XKR6: variants seen among roughly 807,000 people sequenced by gnomAD.
XKR6 encodes XK related 6.
Under a neutral mutation model 56.7 loss-of-function variants are expected in XKR6, and 22 were observed. The observed-to-expected ratio is 0.39, with a 90% CI of 0.28 to 0.55. XKR6 has a LOEUF of 0.55. Among genes scored for constraint, XKR6 ranks in the 20% least tolerant of loss-of-function variants. The pLI is 0.66. For synonymous variants in XKR6, 524 were observed against 387.8 expected, an observed-to-expected ratio of 1.35 and a Z score of -4.13; for missense variants, 852 against 889.0, an observed-to-expected ratio of 0.96 and a Z score of 0.53.
intron 1 of XKR6, among the ~76,000 whole-genome samples, chr8:10,949,392 G>T (rs1003814500): frequency 2.6e-5 from 4 of 152,204 alleles, no homozygotes; most frequent in Non-Finnish European, 5.9e-5. Flanking sequence ...GATCTGGGAG[G>T]CAGGCAAGCC....
intron 1 of XKR6, among the ~76,000 whole-genome samples, chr8:10,991,228 C>T (rs1303857131): frequency 6.6e-6 from 1 of 151,954 alleles, no homozygotes; most frequent in South Asian, 2.1e-4. Context: ...TTTTCACATC[C>T]GCAGTAGGTG....
In XKR6 at chr8:11,123,006, G is replaced by A. The variant is rs547292871; in HGVS notation, c.764+77570C>T. Among the ~76,000 whole-genome samples, 45 of 152,176 alleles carry A rather than the reference G, an allele frequency of 3.0e-4. 1 individual carries two copies. Among genetic ancestry groups the A allele is most frequent in the African/African-American group, 1.0e-3 (43 of 41,524 alleles). ...AATCCCAGCACTTTGGGAGGCCGAG[G>A]TGGGTGGATCACCTGAAATCAGGAG... On this transcript the variant is annotated intron_variant, in intron 1 of 2. Transcript: ENST00000416569.
At chr8:11,118,787 G>A (rs561703152) in intron 1 of XKR6, among the ~76,000 whole-genome samples, 15 of 152,094 alleles carry the variant, frequency 9.9e-5, no homozygotes, top group Non-Finnish European at 1.9e-4. Flanking sequence ...TTTTTGAAGG[G>A]TTTTTTGTGT....
chr8:11,001,497 T>G (rs1407247994), intron 1 of XKR6, among the ~76,000 whole-genome samples: 1 of 152,180 alleles, frequency 6.6e-6, no homozygotes, highest in South Asian at 2.1e-4. Flanking sequence ...TTATCCCAAT[T>G]GAGCAGAAAC....
chr8:11,192,245 G>A (rs993822646), intron 1 of XKR6, among the ~76,000 whole-genome samples: 7 of 152,008 alleles, frequency 4.6e-5, no homozygotes, highest in Middle Eastern at 3.4e-3. Flanking sequence ...TGCAACCTCC[G>A]CCTCCCGGGT....
intron 2 of XKR6, among the ~76,000 whole-genome samples, chr8:10,900,854 T>A (rs1800015935): frequency 1.5e-5 from 1 of 66,248 alleles, no homozygotes; most frequent in Admixed American, 2.1e-4. Flanking sequence ...GATGTGCAAT[T>A]ACCTTTTTTT....
intron 1 of XKR6, among the ~76,000 whole-genome samples, chr8:11,054,113 G>C (rs1158854066): frequency 6.6e-6 from 1 of 152,196 alleles, no homozygotes; most frequent in African/African-American, 2.4e-5. Context: ...AAAGTTCCAA[G>C]CATGCACTGT....
At chr8:11,053,054 C>A (rs965308599) in intron 1 of XKR6, among the ~76,000 whole-genome samples, 7 of 152,148 alleles carry the variant, frequency 4.6e-5, no homozygotes, top group African/African-American at 1.7e-4. Context: ...CCAGCTGACC[C>A]CCCCACGCGC....
intron 1 of XKR6, among the ~76,000 whole-genome samples, chr8:10,976,623 G>A (rs536115484): frequency 4.6e-5 from 7 of 152,280 alleles, no homozygotes; most frequent in Admixed American, 1.3e-4. Context: ...CAGTCTCCAC[G>A]TTCAAGAGTA....
chr8:10,974,433 G>T (rs1219400857), intron 1 of XKR6, among the ~76,000 whole-genome samples: 6 of 152,218 alleles, frequency 3.9e-5, no homozygotes, highest in Non-Finnish European at 7.3e-5. Context: ...CGCTCAGAGG[G>T]AGGCAGATGC....
chr8:10,953,075 C>T (rs1296320338), intron 1 of XKR6, among the ~76,000 whole-genome samples: 3 of 152,184 alleles, frequency 2.0e-5, no homozygotes, highest in East Asian at 3.8e-4. Context: ...AAGCCCAGGG[C>T]TCCCACTGAT....
At chr8:10,905,566 G>A (rs1415368990) in intron 2 of XKR6, among the ~76,000 whole-genome samples, 2 of 152,064 alleles carry the variant, frequency 1.3e-5, no homozygotes, top group African/African-American at 4.8e-5. Context: ...CAGTAGGCTG[G>A]GCCTCTAGAG....
chr8:11,071,566 G>A lies in XKR6; in HGVS notation c.764+129010C>T, dbSNP rs1162921568. Among the ~76,000 whole-genome samples, 6 of 147,504 alleles carry A rather than the reference G, an allele frequency of 4.1e-5. No homozygotes were observed. In the South Asian group the frequency reaches 1.1e-3, roughly 27 times the overall value. ...TATGAGCCCCGAGTCCATGAGCCCC[G>A]AGTCCATGAGCCCCGAGTCCATGAG... On this transcript the variant is annotated intron_variant, in intron 1 of 2. Coordinates refer to ENST00000416569, the MANE Select transcript of XKR6 (RefSeq NM_173683.4).
intron 1 of XKR6, among the ~76,000 whole-genome samples, chr8:10,951,557 C>G (rs1801725854): frequency 6.6e-6 from 1 of 152,260 alleles, no homozygotes; most frequent in African/African-American, 2.4e-5. Flanking sequence ...TGATCTCGCC[C>G]TCTTACACAG....
intron 1 of XKR6, among the ~76,000 whole-genome samples, chr8:11,075,869 T>A (rs1800261193): frequency 6.6e-6 from 1 of 151,700 alleles, no homozygotes; most frequent in Non-Finnish European, 1.5e-5. Context: ...CGAGACTCTG[T>A]CCCCCCGACC....
At chr8:11,141,476 A>C (rs1800695500) in intron 1 of XKR6, among the ~76,000 whole-genome samples, 1 of 152,204 alleles carries the variant, frequency 6.6e-6, no homozygotes, top group Non-Finnish European at 1.5e-5. Context: ...GAAAAAAGAA[A>C]ATAGAGCTGT....
intron 1 of XKR6, among the ~76,000 whole-genome samples, chr8:11,090,256 T>C (rs971849274): frequency 1.3e-5 from 2 of 152,172 alleles, no homozygotes; most frequent in Non-Finnish European, 2.9e-5. Flanking sequence ...TGCTGAGTTT[T>C]AGTTTATTTT....
At chr8:10,981,470 G>C (rs894447230) in intron 1 of XKR6, among the ~76,000 whole-genome samples, 1 of 152,202 alleles carries the variant, frequency 6.6e-6, no homozygotes, top group Non-Finnish European at 1.5e-5. Context: ...AAGAGATGAA[G>C]CGTTTCCAGA....
intron 1 of XKR6, among the ~76,000 whole-genome samples, chr8:10,996,466 A>G (rs1798115393): frequency 6.6e-6 from 1 of 152,232 alleles, no homozygotes; most frequent in Admixed American, 6.5e-5. Context: ...GAGAAGGACC[A>G]GAGCACATCT....
Sources: gnomAD v4.1 joint callset for allele counts (sites outside exome capture counted in the v4.1 genomes callset) on GRCh38, gnomAD v4.1.1 for gene constraint, MANE v1.5 for transcripts, NCBI Gene and HGNC (gene_info 2026-07-23, HGNC 2026-07-21) for gene names.